BRINP2: variants seen among roughly 807,000 people sequenced by gnomAD.
BRINP2 encodes the protein BMP/retinoic acid inducible neural specific 2.
BRINP2 carries 21 observed loss-of-function variants against 69.2 expected under a neutral mutation model. That is an observed-to-expected ratio of 0.30 (90% CI 0.22 to 0.44). The LOEUF is 0.44. Among genes scored for constraint, BRINP2 ranks in the 20% least tolerant of loss-of-function variants. The probability of loss-of-function intolerance (pLI) is 1.00; values close to 1 mark genes in which losing one functional copy is unlikely to be tolerated. For missense variants in BRINP2, 877 were observed against 986.0 expected, an observed-to-expected ratio of 0.89 and a Z score of 1.48; for synonymous variants, 380 against 394.1, an observed-to-expected ratio of 0.96 and a Z score of 0.42.
intron 1 of BRINP2, among the ~76,000 whole-genome samples, chr1:177,195,403 C>T (rs1521442): frequency 0.61 from 92,523 of 150,712 alleles, 30,676 homozygotes; most frequent in African/African-American, 0.88. Flanking sequence ...CCTAATCTTA[C>T]GCTCACATAC....
chr1:177,272,182 C>T (rs1385360937), intron 4 of BRINP2, among the ~76,000 whole-genome samples: 1 of 152,136 alleles, frequency 6.6e-6, no homozygotes, highest in East Asian at 1.9e-4. Context: ...ACAGATGGTG[C>T]CTCTTCTGCT....
intron 4 of BRINP2, among the ~76,000 whole-genome samples, chr1:177,266,589 C>G (rs769870987): frequency 7.9e-5 from 12 of 151,662 alleles, no homozygotes; most frequent in Admixed American, 1.3e-4. Context: ...GAAACCCGGT[C>G]TCTACTAAAA....
In BRINP2 at chr1:177,281,284, A is replaced by G. The variant is rs762088343; in HGVS notation, c.2108A>G (p.Gln703Arg). 1.2e-6 allele frequency: 2 copies of G among 1,614,164 alleles called. No homozygotes were observed. The highest frequency in any genetic ancestry group is 2.2e-5 in the South Asian group (2 of 91,086). Residue 703 changes from glutamine to arginine, a missense_variant, in exon 8 of 8, where the codon CAG becomes CGG. Gln to Arg is a conservative substitution (Grantham distance 43). Coordinates refer to ENST00000361539, the MANE Select transcript of BRINP2 (RefSeq NM_021165.4). ...DPDAIRDLILQLDYPYTQGSQ... is the reference protein window; with the variant it reads ...DPDAIRDLILRLDYPYTQGSQ... ...GATGCTATCCGGGACTTAATTCTCC[A>G]GTTGGACTACCCATATACTCAAGGT...
At chr1:177,278,185 G>A (rs1231391003) in intron 6 of BRINP2, among the ~76,000 whole-genome samples, 1 of 152,070 alleles carries the variant, frequency 6.6e-6, no homozygotes, top group East Asian at 1.9e-4. Context: ...GTTTTGTGGT[G>A]TTATTGAAGA....
At chr1:177,180,809 T>TA (rs1229023692) in intron 1 of BRINP2, among the ~76,000 whole-genome samples, 2 of 152,232 alleles carry the variant, frequency 1.3e-5, no homozygotes, top group African/African-American at 4.8e-5. Flanking sequence ...GTGATTCATT[T>TA]AAAATCACAG....
intron 1 of BRINP2, among the ~76,000 whole-genome samples, chr1:177,192,347 A>G (rs957862413): frequency 6.6e-6 from 1 of 152,190 alleles, no homozygotes; most frequent in African/African-American, 2.4e-5. Flanking sequence ...CATGTCTCTC[A>G]GTGTACCAGG....
chr1:177,200,308 A>AG (rs1648870492), intron 1 of BRINP2, among the ~76,000 whole-genome samples: 1 of 148,916 alleles, frequency 6.7e-6, no homozygotes, highest in Non-Finnish European at 1.5e-5. Flanking sequence ...AAAAAAAAAA[A>AG]AAAAAAAAAA....
In BRINP2 at chr1:177,257,273, C is replaced by T; in HGVS notation, c.558C>T (p.Ser186=). 1 of 1,614,058 alleles carries T rather than the reference C, an allele frequency of 6.2e-7. No individual in the cohort carries two copies. The highest frequency in any genetic ancestry group is 8.5e-7 in the Non-Finnish European group (1 of 1,180,014). Residue 186 remains serine (S), a synonymous_variant, in exon 4 of 8, where the codon AGC becomes AGT. Transcript: ENST00000361539. ...GASIIGGSGN[S]TAVSLETLHQ... The stretch of plus-strand genomic sequence containing the variant: ...CTATAATCGGGGGCAGTGGGAACAG[C>T]ACAGCTGTGTCCCTGGAGACCCTGC...
At chr1:177,199,759 A>G (rs1399033247) in intron 1 of BRINP2, among the ~76,000 whole-genome samples, 1 of 152,136 alleles carries the variant, frequency 6.6e-6, no homozygotes, top group African/African-American at 2.4e-5. Flanking sequence ...AAAGTAGAAG[A>G]CTTTTTAAAA....
chr1:177,233,948 G>A (rs1312274394), intron 2 of BRINP2, among the ~76,000 whole-genome samples: 1 of 152,164 alleles, frequency 6.6e-6, no homozygotes, highest in Non-Finnish European at 1.5e-5. Context: ...ATAACAGGAT[G>A]GGCTTGGGCA....
chr1:177,268,435 C>T (rs557203636), intron 4 of BRINP2, among the ~76,000 whole-genome samples: 1 of 152,332 alleles, frequency 6.6e-6, no homozygotes, highest in African/African-American at 2.4e-5. Context: ...CTTACCTACT[C>T]TGCCTTGGTG....
rs946417710 is a variant in BRINP2, at chr1:177,229,746, C to G, written c.-76-55C>G. The G allele has an allele frequency of 1.3e-5, 17 of 1,280,268 alleles. No individual in the cohort carries two copies. The African/African-American group carries it at 1.8e-4, about 14-fold the overall frequency. The allele number at this position is 1,280,268 out of a possible 1,614,324, so 79.3% of individuals were successfully genotyped here. ...CCAACCCAATTATGTGTGATGCTCA[C>G]AGGCCCATGGGGTAACAGGGTGCTC... is the stretch of plus-strand genomic sequence containing the variant. On this transcript the variant is annotated intron_variant, in intron 1 of 7. Coordinates refer to ENST00000361539, the MANE Select transcript of BRINP2 (RefSeq NM_021165.4).
chr1:177,281,285 G>C lies in BRINP2; in HGVS notation c.2109G>C (p.Gln703His). 5.6e-6 allele frequency: 9 copies of C among 1,614,162 alleles called. No homozygotes were observed. The highest frequency in any genetic ancestry group is 7.6e-6 in the Non-Finnish European group (9 of 1,180,036). The change falls in exon 8 of 8, where the codon CAG (glutamine) becomes CAC (histidine). Residue 703 changes from glutamine to histidine, a missense_variant. Around this residue, in one of 3 missense-constraint regions of BRINP2, gnomAD observed 225 missense variants for 218.7 expected, o/e 1.03. Transcript: ENST00000361539. ...ATGCTATCCGGGACTTAATTCTCCA[G>C]TTGGACTACCCATATACTCAAGGTT... is the stretch of plus-strand genomic sequence containing the variant. The part of the protein sequence containing the change: ...DPDAIRDLIL[Q>H]LDYPYTQGSQ...
intron 1 of BRINP2, among the ~76,000 whole-genome samples, chr1:177,184,859 T>C (rs1648383347): frequency 6.6e-6 from 1 of 152,152 alleles, no homozygotes; most frequent in South Asian, 2.1e-4. Context: ...ATTTCAAATG[T>C]ATATGTTACA....
chr1:177,183,762 A>G (rs2102291296), intron 1 of BRINP2, among the ~76,000 whole-genome samples: 1 of 152,338 alleles, frequency 6.6e-6, no homozygotes, highest in Non-Finnish European at 1.5e-5. Context: ...TACCCTGGTC[A>G]TTCTTCCTGT....
intron 4 of BRINP2, among the ~76,000 whole-genome samples, chr1:177,271,113 T>C (rs1217643489): frequency 1.3e-5 from 2 of 152,220 alleles, no homozygotes; most frequent in Non-Finnish European, 2.9e-5. Flanking sequence ...GTCTTATTCA[T>C]CTGCGAGTTC....
At chr1:177,174,109 T>A (rs1290756923) in intron 1 of BRINP2, among the ~76,000 whole-genome samples, 1 of 152,156 alleles carries the variant, frequency 6.6e-6, no homozygotes. Flanking sequence ...AAAGCTAAAA[T>A]GATTTTAGCC....
At chr1:177,259,245 G>A (rs983775034) in intron 4 of BRINP2, among the ~76,000 whole-genome samples, 10 of 152,270 alleles carry the variant, frequency 6.6e-5, no homozygotes, top group Middle Eastern at 3.4e-3. Flanking sequence ...AACATTCCCC[G>A]AAGCCAAAGC....
intron 4 of BRINP2, among the ~76,000 whole-genome samples, chr1:177,262,745 C>T (rs1008258034): frequency 2.6e-5 from 4 of 152,168 alleles, no homozygotes; most frequent in South Asian, 2.1e-4. Flanking sequence ...CTAGGTTAAA[C>T]AGAAGGAAAG....
Sources: gnomAD v4.1 joint callset for allele counts (sites outside exome capture counted in the v4.1 genomes callset) on GRCh38, gnomAD v4.1.1 for gene constraint, gnomAD v4.1.1 regional missense constraint, MANE v1.5 for transcripts, NCBI Gene and HGNC (gene_info 2026-07-23, HGNC 2026-07-21) for gene names.